Variants in NALCN observed in about 807,000 individuals in gnomAD.
The protein encoded by NALCN is sodium leak channel, non-selective.
In NALCN, 111 loss-of-function variants were observed where a neutral mutation model predicts 225.3. That is an observed-to-expected ratio of 0.49 (90% CI 0.42 to 0.58). NALCN has a LOEUF of 0.58. NALCN is among the 20% of genes least tolerant of loss of function. The pLI, the probability that NALCN is intolerant of heterozygous loss-of-function variation, is 0.00. For missense variants in NALCN, 1,378 were observed against 2,202.4 expected, an observed-to-expected ratio of 0.63 and a Z score of 7.49; for synonymous variants, 764 against 769.0, an observed-to-expected ratio of 0.99 and a Z score of 0.11.
At chr13:101,101,429 C>T (rs207474315) in intron 26 of NALCN, among the ~76,000 whole-genome samples, 19 of 151,876 alleles carry the variant, frequency 1.3e-4, no homozygotes, top group South Asian at 2.1e-4. Context: ...TACAGGCACA[C>T]GCCACCAAGC....
chr13:101,301,292 G>A (rs968247906), intron 7 of NALCN, among the ~76,000 whole-genome samples: 1 of 152,200 alleles, frequency 6.6e-6, no homozygotes, highest in African/African-American at 2.4e-5. Context: ...GCAATTTCCA[G>A]GTAGGCTGAG....
intron 13 of NALCN, among the ~76,000 whole-genome samples, chr13:101,203,208 G>A (rs1189822323): frequency 2.6e-5 from 4 of 151,872 alleles, no homozygotes; most frequent in South Asian, 4.2e-4. Context: ...GTTAAATTCC[G>A]GAATTCCTAT....
At chr13:101,228,146 G>A (rs1379159191) in intron 13 of NALCN, among the ~76,000 whole-genome samples, 4 of 150,900 alleles carry the variant, frequency 2.7e-5, no homozygotes, top group Admixed American at 1.3e-4. Context: ...TGCTTTAAAG[G>A]CACTCGACAA....
chr13:101,106,966 C>T (rs536306842), intron 22 of NALCN, among the ~76,000 whole-genome samples: 52 of 152,286 alleles, frequency 3.4e-4, no homozygotes, highest in Admixed American at 6.5e-4. Context: ...ACTCTACTTA[C>T]GGCTTCTTAC....
intron 15 of NALCN, among the ~76,000 whole-genome samples, chr13:101,167,251 G>A (rs752911310): frequency 3.3e-5 from 5 of 152,148 alleles, no homozygotes; most frequent in Non-Finnish European, 7.4e-5. Flanking sequence ...TGCAAAAAGC[G>A]TCATTGGAAT....
At chr13:101,060,049 TCCC>T in intron 41 of NALCN, 82 bp from the exon 42 acceptor site, 1 of 1,507,376 alleles carries the variant, frequency 6.6e-7, no homozygotes, top group Non-Finnish European at 9.0e-7. Flanking sequence ...TATTTTCTTC[TCCC>T]CTCTCCTAAG....
chr13:101,111,435 G>A (rs927692525), intron 18 of NALCN, among the ~76,000 whole-genome samples: 16 of 152,244 alleles, frequency 1.1e-4, no homozygotes, highest in African/African-American at 3.4e-4. Flanking sequence ...TATGAAGAAG[G>A]GCTGGAAAAT....
chr13:101,253,574 G>A (rs949445933), intron 11 of NALCN, among the ~76,000 whole-genome samples: 3 of 151,816 alleles, frequency 2.0e-5, no homozygotes, highest in Non-Finnish European at 4.4e-5. Context: ...AACATAATGG[G>A]CCCCCCAAAA....
At chr13:101,328,003 G>C (rs553657538) in intron 7 of NALCN, among the ~76,000 whole-genome samples, 2 of 152,208 alleles carry the variant, frequency 1.3e-5, no homozygotes, top group African/African-American at 4.8e-5. Context: ...TAAACAAATG[G>C]GCAGGGAGTT....
At chr13:101,312,406 T>C (rs895721383) in intron 7 of NALCN, among the ~76,000 whole-genome samples, 1 of 152,118 alleles carries the variant, frequency 6.6e-6, no homozygotes, top group African/African-American at 2.4e-5. Flanking sequence ...CTGCTAGCTT[T>C]TGAATGTGTT....
chr13:101,134,572 AGT>A (rs1482596347), intron 17 of NALCN, among the ~76,000 whole-genome samples: 5 of 152,360 alleles, frequency 3.3e-5, no homozygotes, highest in African/African-American at 1.2e-4. Context: ...ATTTTAATGT[AGT>A]TAGTCCTTGA....
chr13:101,211,650 C>CTATATATATATATA (rs5806203), intron 13 of NALCN, among the ~76,000 whole-genome samples: 21 of 145,634 alleles, frequency 1.4e-4, no homozygotes, highest in African/African-American at 5.3e-4. Context: ...TGACAATAAA[C>CTATATATATATATA]TATATATATA....
intron 15 of NALCN, among the ~76,000 whole-genome samples, chr13:101,150,089 GA>G (rs35163229): frequency 0.76 from 115,764 of 152,108 alleles, 44,378 homozygotes; most frequent in East Asian, 1. Context: ...CTCAGTGTAA[GA>G]AATGTGGATT....
intron 15 of NALCN, among the ~76,000 whole-genome samples, chr13:101,153,581 C>T (rs923684771): frequency 1.3e-5 from 2 of 152,198 alleles, no homozygotes; most frequent in Admixed American, 6.5e-5. Context: ...GCTTACAGCA[C>T]CATTATATCG....
chr13:101,081,494 A>C, intron 34 of NALCN, 33 bp downstream of exon 34: 3 of 1,613,496 alleles, frequency 1.9e-6, no homozygotes, highest in Non-Finnish European at 2.5e-6. Context: ...AACTGAAATA[A>C]TCAGCTGAAA....
At chr13:101,058,425 GGC>G in intron 42 of NALCN, 23 of 152,448 alleles carry the variant, frequency 1.5e-4, no homozygotes, top group South Asian at 5.7e-4. Flanking sequence ...GCTGGGCGGG[GGC>G]AGTCTACTGT....
At chr13:101,396,045 T>G (rs2047282512) in intron 2 of NALCN, among the ~76,000 whole-genome samples, 1 of 152,188 alleles carries the variant, frequency 6.6e-6, no homozygotes, top group Non-Finnish European at 1.5e-5. Flanking sequence ...CTCTTTATTT[T>G]GGAGAACACA....
chr13:101,184,862 A>G (rs1387393570), intron 14 of NALCN, among the ~76,000 whole-genome samples: 1 of 151,576 alleles, frequency 6.6e-6, no homozygotes, highest in African/African-American at 2.4e-5. Context: ...TTCCCTTTTC[A>G]GTTTTCTTTC....
intron 14 of NALCN, among the ~76,000 whole-genome samples, chr13:101,191,442 C>T (rs1453099345): frequency 2.6e-5 from 4 of 151,982 alleles, no homozygotes; most frequent in African/African-American, 9.7e-5. Context: ...TTTTTCCAGT[C>T]GCACATAGCA....
Sources: allele counts gnomAD v4.1 joint callset (sites outside exome capture counted in the v4.1 genomes callset), GRCh38; gene constraint gnomAD v4.1.1; transcripts MANE v1.5; gene names NCBI Gene and HGNC (gene_info 2026-07-23, HGNC 2026-07-21).